The following GABRA1 variants were observed in gnomAD, a reference collection of about 807,000 sequenced individuals.
GABRA1 encodes the protein gamma-aminobutyric acid receptor subunit alpha-1.
In GABRA1, 9 loss-of-function variants were observed where a neutral mutation model predicts 48.9. The observed-to-expected ratio is 0.18, with a 90% CI of 0.11 to 0.32. The LOEUF is 0.32. Ranked by LOEUF, GABRA1 falls within the 10% of genes least tolerant of loss-of-function variation. The pLI, the probability that GABRA1 is intolerant of heterozygous loss-of-function variation, is 1.00. For synonymous variants in GABRA1, 210 were observed against 198.7 expected, an observed-to-expected ratio of 1.06 and a Z score of -0.48; for missense variants, 285 against 553.8, an observed-to-expected ratio of 0.51 and a Z score of 4.87.
intron 7 of GABRA1, among the ~76,000 whole-genome samples, chr5:161,888,997 T>C (rs939324302): frequency 1.1e-4 from 16 of 151,974 alleles, no homozygotes; most frequent in African/African-American, 3.4e-4. Context: ...TAATTAACTT[T>C]CAGTTTGGTG....
chr5:161,854,403 G>T (rs1438814020), intron 3 of GABRA1, 133 bp downstream of exon 3: 7 of 692,990 alleles, frequency 1.0e-5, no homozygotes, highest in Non-Finnish European at 1.9e-5. Flanking sequence ...ATTTTTAATG[G>T]ATCACTCTAT....
chr5:161,861,330 C>G (rs968057231), intron 3 of GABRA1, among the ~76,000 whole-genome samples: 1 of 151,808 alleles, frequency 6.6e-6, no homozygotes, highest in Non-Finnish European at 1.5e-5. Flanking sequence ...AAAAAGACTT[C>G]TACTGACCAA....
chr5:161,871,260 C>A (rs1224843057), intron 4 of GABRA1, among the ~76,000 whole-genome samples: 3 of 152,006 alleles, frequency 2.0e-5, no homozygotes, highest in African/African-American at 4.8e-5. Flanking sequence ...ATAAAATGAA[C>A]CAAAGGCTCG....
chr5:161,890,006 C>T (rs1359669481), intron 7 of GABRA1, among the ~76,000 whole-genome samples: 2 of 151,862 alleles, frequency 1.3e-5, no homozygotes, highest in Admixed American at 1.3e-4. Context: ...TATATTAACC[C>T]TATATTTTGA....
intron 8 of GABRA1, among the ~76,000 whole-genome samples, chr5:161,893,482 G>A (rs1408282137): frequency 1.3e-5 from 2 of 151,828 alleles, no homozygotes; most frequent in East Asian, 3.9e-4. Flanking sequence ...AAGCCTAAAA[G>A]GATCATGTAG....
chr5:161,850,718 C>T, intron 1 of GABRA1, 78 bp from the exon 2 acceptor site: 2 of 1,171,132 alleles, frequency 1.7e-6, no homozygotes, highest in South Asian at 1.2e-5. Context: ...TTCATCTAAA[C>T]TGCCTCAGTC....
rs377472649 is a variant in GABRA1, at chr5:161,878,759, T to G, written c.559+3117T>G. Among the ~76,000 whole-genome samples, 67 of 152,280 alleles carry G rather than the reference T, an allele frequency of 4.4e-4. 2 individuals carry two copies. The South Asian group carries it at 0.014, about 31-fold the overall frequency. On this transcript the variant is annotated intron_variant, in intron 6 of 9. Transcript: ENST00000393943. ...GAGAAATATACCAAATAAGGCTTTGTTTCCAAAAGAAGAGATTTGGGTTGC... is the reference window on the plus strand; with the variant it reads ...GAGAAATATACCAAATAAGGCTTTGGTTCCAAAAGAAGAGATTTGGGTTGC...
intron 8 of GABRA1, among the ~76,000 whole-genome samples, 161 bp downstream of exon 8, chr5:161,891,211 T>A (rs540830343): frequency 8.1e-4 from 123 of 152,312 alleles, no homozygotes; most frequent in Non-Finnish European, 1.3e-3. Flanking sequence ...TGGTATATAT[T>A]TTTTAAAACT....
chr5:161,886,439 G>A (rs1754851721), intron 7 of GABRA1, among the ~76,000 whole-genome samples: 2 of 151,596 alleles, frequency 1.3e-5, no homozygotes, highest in African/African-American at 4.9e-5. Context: ...TATCTGGTTT[G>A]TAAAATGTAT....
At chr5:161,893,721 A>G (rs1755229287) in intron 8 of GABRA1, among the ~76,000 whole-genome samples, 1 of 152,190 alleles carries the variant, frequency 6.6e-6, no homozygotes, top group South Asian at 2.1e-4. Context: ...TACCAGCTGC[A>G]TGGCATTGGC....
intron 6 of GABRA1, among the ~76,000 whole-genome samples, chr5:161,878,157 A>T (rs1754446388): frequency 6.6e-6 from 1 of 152,202 alleles, no homozygotes; most frequent in Non-Finnish European, 1.5e-5. Flanking sequence ...GATAAAGGTT[A>T]CAAGACTCAG....
chr5:161,859,083 T>C (rs1030937093), intron 3 of GABRA1, among the ~76,000 whole-genome samples: 3 of 151,790 alleles, frequency 2.0e-5, no homozygotes, highest in Non-Finnish European at 4.4e-5. Context: ...TTCCTGTAAA[T>C]GTTGTAGATT....
intron 8 of GABRA1, among the ~76,000 whole-genome samples, chr5:161,891,867 G>A (rs1018007586): frequency 1.3e-5 from 2 of 152,146 alleles, no homozygotes; most frequent in Non-Finnish European, 2.9e-5. Context: ...GCTTAAAATT[G>A]AGTAATCATA....
At chr5:161,865,833 A>G in intron 4 of GABRA1, 45 bp downstream of exon 4, 3 of 1,541,580 alleles carry the variant, frequency 1.9e-6, no homozygotes, top group Non-Finnish European at 2.7e-6. Context: ...AATTTTTAAA[A>G]TTTAACTTTT....
chr5:161,847,560 G>T (rs965321426), upstream of GABRA1: 3 of 152,140 alleles, frequency 2.0e-5, no homozygotes, highest in South Asian at 6.2e-4. Flanking sequence ...AAGTGCGAAA[G>T]ACTCTCTAAA....
In GABRA1 at chr5:161,898,415, C is replaced by T. The variant is rs1013417216; in HGVS notation, c.*993C>T. 3.3e-5 allele frequency: 5 copies of T among 152,342 alleles called. No individual in the cohort carries two copies. Among genetic ancestry groups the T allele is most frequent in the South Asian group, 2.1e-4 (1 of 4,826 alleles). 9.4% of individuals were successfully genotyped at this position (152,342 alleles called of 1,614,324 possible). On this transcript the variant is annotated 3_prime_UTR_variant, in exon 10 of 10. Transcript: ENST00000393943. ...AGCAAACAAAAATAGAATATATAAA[C>T]GATATATGTAAATATACAGCATGAG...
intron 6 of GABRA1, among the ~76,000 whole-genome samples, chr5:161,879,074 A>G (rs1297321095): frequency 6.6e-6 from 1 of 152,194 alleles, no homozygotes; most frequent in African/African-American, 2.4e-5. Context: ...GAGTTCTTTC[A>G]TAACACCAAC....
chr5:161,879,634 A>C (rs1285350647), intron 6 of GABRA1, among the ~76,000 whole-genome samples: 1 of 152,168 alleles, frequency 6.6e-6, no homozygotes, highest in Non-Finnish European at 1.5e-5. Context: ...GTATATCTGT[A>C]TTCTCCATCT....
chr5:161,872,631 A>G (rs1754171843), intron 4 of GABRA1, among the ~76,000 whole-genome samples: 1 of 152,172 alleles, frequency 6.6e-6, no homozygotes, highest in Non-Finnish European at 1.5e-5. Flanking sequence ...TTACATCCAT[A>G]TTGGAATCAC....
Sources: gnomAD v4.1 joint callset for allele counts (sites outside exome capture counted in the v4.1 genomes callset) on GRCh38, gnomAD v4.1.1 for gene constraint, MANE v1.5 for transcripts, NCBI Gene and HGNC (gene_info 2026-07-23, HGNC 2026-07-21) for gene names.